Variants in CPS1 observed in about 807,000 individuals in gnomAD.
The protein encoded by CPS1 is carbamoyl-phosphate synthase [ammonia], mitochondrial.
Under a neutral mutation model 174.6 loss-of-function variants are expected in CPS1, and 109 were observed. The ratio of observed to expected loss-of-function variants is 0.62; its 90% CI spans 0.53 to 0.73. CPS1 has a LOEUF of 0.73. Ranked by LOEUF, CPS1 falls within the 30% of genes least tolerant of loss-of-function variation. The pLI is 0.00. For synonymous variants in CPS1, 637 were observed against 632.0 expected (o/e 1.01, Z -0.12); for missense variants, 1,689 against 1,821.9 (o/e 0.93, Z 1.33).
chr2:210,574,905 T>C (rs1354898398), intron 2 of CPS1, among the ~76,000 whole-genome samples: 1 of 152,106 alleles, frequency 6.6e-6, no homozygotes, highest in Non-Finnish European at 1.5e-5. Context: ...AAGGTATTCA[T>C]CTATAAGATT....
chr2:210,656,698 T>A, intron 30 of CPS1, 66 bp downstream of exon 30: 1 of 1,196,704 alleles, frequency 8.4e-7, no homozygotes, highest in Non-Finnish European at 1.2e-6. Context: ...CTAAGGTTTT[T>A]TTTTTTTTTT....
intron 21 of CPS1, among the ~76,000 whole-genome samples, chr2:210,627,120 C>T (rs889205057): frequency 6.6e-6 from 1 of 152,164 alleles, no homozygotes; most frequent in Non-Finnish European, 1.5e-5. Context: ...TGTGAGCCAC[C>T]TGCATTGTTG....
chr2:210,479,282 G>A (rs889888870), intron 1 of CPS1, among the ~76,000 whole-genome samples: 12 of 150,938 alleles, frequency 8.0e-5, no homozygotes, highest in Non-Finnish European at 1.5e-4. Context: ...CTCTTCTTAC[G>A]ACACCATCAT....
At chr2:210,519,856 G>T in intron 1 of CPS1, 1 of 882,878 alleles carries the variant, frequency 1.1e-6, no homozygotes, top group Non-Finnish European at 1.4e-6. Flanking sequence ...GCTTTGTTCT[G>T]GGTTGTAGTG....
chr2:210,646,090 C>T (rs1326296119), intron 25 of CPS1, among the ~76,000 whole-genome samples: 1 of 152,102 alleles, frequency 6.6e-6, no homozygotes, highest in African/African-American at 2.4e-5. Context: ...ACACTTTAAG[C>T]TCCTATTTAG....
intron 1 of CPS1, among the ~76,000 whole-genome samples, chr2:210,548,474 G>A (rs1696621763): frequency 6.6e-6 from 1 of 151,862 alleles, no homozygotes; most frequent in Admixed American, 6.6e-5. Context: ...TCTTGATAGG[G>A]GCAAGTATAG....
At chr2:210,660,737 C>A in intron 32 of CPS1, 82 bp downstream of exon 32, 1 of 1,315,822 alleles carries the variant, frequency 7.6e-7, no homozygotes, top group Non-Finnish European at 1.1e-6. Flanking sequence ...AATCTTGTTA[C>A]TTTTAAAACC....
Position 210,639,350 on chromosome 2 carries a change from C to T in CPS1, c.2895+135C>T, listed in dbSNP as rs13408918. 89,949 of 702,118 alleles carry T rather than the reference C, an allele frequency of 0.13. 12,878 individuals carry two copies. Among genetic ancestry groups the T allele is most frequent in the African/African-American group, 0.59 (32,891 of 55,544 alleles). The allele number at this position is 702,118 out of a possible 1,614,324, so 43.5% of individuals were successfully genotyped here. Reference sequence around the variant, plus strand: ...CATCATGGCCGGGCGCGGTGGCTCACGCCTGTAATCCCAGCACTTTGGGAG... The same window carrying T: ...CATCATGGCCGGGCGCGGTGGCTCATGCCTGTAATCCCAGCACTTTGGGAG... On this transcript the variant is annotated intron_variant, in intron 23 of 37. Transcript: ENST00000233072.
At chr2:210,625,434 A>G (rs1200555594) in intron 21 of CPS1, among the ~76,000 whole-genome samples, 1 of 152,102 alleles carries the variant, frequency 6.6e-6, no homozygotes, top group Admixed American at 6.6e-5. Flanking sequence ...AACTTTACAC[A>G]TGTTATCTCA....
rs376618188 is a variant in CPS1 at position 210,642,569 on chromosome 2, C to G, written c.3045C>G (p.Cys1015Trp). Residue 1015 changes from cysteine to tryptophan, a missense_variant, in exon 25 of 38, where the codon TGC becomes TGG. Transcript: ENST00000233072. ...GCAAGAAGACGGTGGTGGTGAATTGCAATCCTGAGACTGTGAGCACAGACT... is the reference window on the plus strand; with the variant it reads ...GCAAGAAGACGGTGGTGGTGAATTGGAATCCTGAGACTGTGAGCACAGACT... ...QLGKKTVVVN[C>W]NPETVSTDFD... 1 of 1,613,848 alleles carries G rather than the reference C, an allele frequency of 6.2e-7. No individual in the cohort carries two copies. Among genetic ancestry groups the G allele is most frequent in the African/African-American group, 1.3e-5 (1 of 74,880 alleles).
At chr2:210,626,654 T>G (rs1015185128) in intron 21 of CPS1, among the ~76,000 whole-genome samples, 5 of 152,222 alleles carry the variant, frequency 3.3e-5, no homozygotes, top group African/African-American at 1.2e-4. Flanking sequence ...CTCTAACTCC[T>G]GGTGAGAACT....
At chr2:210,493,581 A>G (rs1446164762) in intron 1 of CPS1, among the ~76,000 whole-genome samples, 2 of 152,160 alleles carry the variant, frequency 1.3e-5, no homozygotes, top group South Asian at 2.1e-4. Context: ...AAGGAAATCC[A>G]ATGCCAATAA....
At chr2:210,560,149 A>G (rs910686181) in intron 1 of CPS1, among the ~76,000 whole-genome samples, 1 of 152,230 alleles carries the variant, frequency 6.6e-6, no homozygotes, top group South Asian at 2.1e-4. Context: ...AAATGAAGCA[A>G]ATAATCTTTT....
intron 6 of CPS1, among the ~76,000 whole-genome samples, chr2:210,586,125 C>T (rs1254485279): frequency 6.6e-6 from 1 of 151,776 alleles, no homozygotes; most frequent in African/African-American, 2.4e-5. Context: ...ATCTGGTATT[C>T]CGGCTCCTGT....
At chr2:210,636,078 G>A (rs1249347869) in intron 21 of CPS1, among the ~76,000 whole-genome samples, 1 of 152,066 alleles carries the variant, frequency 6.6e-6, no homozygotes, top group Non-Finnish European at 1.5e-5. Context: ...TTTTCTTAAG[G>A]CAAGTTAGAT....
In CPS1 at chr2:210,586,970, G is replaced by A. The variant is rs769288648; in HGVS notation, c.622-1088G>A. Among the ~76,000 whole-genome samples the A allele has an allele frequency of 4.1e-4, 63 of 151,946 alleles. 1 individual carries two copies. The highest frequency in any genetic ancestry group is 3.1e-4 in the Non-Finnish European group (21 of 67,942). ...CTTTATTTTACATCAGAAGCCTAAG[G>A]TTAAGAAAAGATCTATACTTTTTCA... is the stretch of plus-strand genomic sequence containing the variant. On this transcript the variant is annotated intron_variant, in intron 6 of 37. Transcript: ENST00000233072.
chr2:210,576,307 T>A, intron 2 of CPS1, 39 bp from the exon 3 acceptor site: 1 of 1,608,036 alleles, frequency 6.2e-7, no homozygotes, highest in Non-Finnish European at 8.5e-7. Context: ...TGTAGTTACA[T>A]ACATTATTTG....
At chr2:210,593,292 T>C in intron 11 of CPS1, 1 of 1,051,542 alleles carries the variant, frequency 9.5e-7, no homozygotes, top group African/African-American at 1.7e-5. Context: ...TTCTCATGAC[T>C]GAAATGAAAT....
At chr2:210,516,537 T>A (rs540201909) in intron 1 of CPS1, among the ~76,000 whole-genome samples, 6 of 152,064 alleles carry the variant, frequency 3.9e-5, no homozygotes, top group African/African-American at 1.4e-4. Context: ...CTTTGGTGAT[T>A]TTTCTAACAC....
Sources: gnomAD v4.1 joint callset for allele counts (sites outside exome capture counted in the v4.1 genomes callset) on GRCh38, gnomAD v4.1.1 for gene constraint, MANE v1.5 for transcripts, NCBI Gene and HGNC (gene_info 2026-07-23, HGNC 2026-07-21) for gene names.